The following TRPC6 variants were observed in gnomAD, a reference collection of about 807,000 sequenced individuals.
The protein encoded by TRPC6 is short transient receptor potential channel 6.
Under a neutral mutation model 90.7 loss-of-function variants are expected in TRPC6, and 55 were observed. The ratio of observed to expected loss-of-function variants is 0.61; its 90% CI spans 0.49 to 0.76. The LOEUF (loss-of-function observed/expected upper bound fraction) is 0.76, where lower values mean the gene tolerates loss of function less well. Among genes scored for constraint, TRPC6 ranks in the 30% least tolerant of loss-of-function variants. TRPC6 has a pLI of 0.00. For synonymous variants in TRPC6, 393 were observed against 393.0 expected, an observed-to-expected ratio of 1.00 and a Z score of 0.00; for missense variants, 989 against 1,122.7, an observed-to-expected ratio of 0.88 and a Z score of 1.70.
chr11:101,533,603 T>G (rs1401385504), intron 1 of TRPC6, among the ~76,000 whole-genome samples: 1 of 152,056 alleles, frequency 6.6e-6, no homozygotes, highest in Non-Finnish European at 1.5e-5. Flanking sequence ...CAAGTGAAAC[T>G]CAAGTGTCAG....
Position 101,491,749 on chromosome 11 carries a change from CAA to C in TRPC6, c.946-13_946-12del. 1 of 1,589,068 alleles carries C rather than the reference CAA, an allele frequency of 6.3e-7. No homozygotes were observed. The highest frequency in any genetic ancestry group is 8.6e-7 in the Non-Finnish European group (1 of 1,166,778). On this transcript the variant is annotated splice_polypyrimidine_tract_variant and intron_variant, in intron 2 of 12. Transcript: ENST00000344327. ...TTTTTTGTAGTCATTCTAGGAAAAA[CAA>C]AGCAAAACAAAAGCAATAATGGAGA...
chr11:101,474,861 G>GACTT (rs1237815120), intron 6 of TRPC6, among the ~76,000 whole-genome samples: 1 of 152,146 alleles, frequency 6.6e-6, no homozygotes, highest in Non-Finnish European at 1.5e-5. Flanking sequence ...AAGCTGGAAT[G>GACTT]ACTTATCTGA....
intron 1 of TRPC6, among the ~76,000 whole-genome samples, chr11:101,560,974 T>C (rs1861698897): frequency 6.6e-6 from 1 of 152,196 alleles, no homozygotes; most frequent in South Asian, 2.1e-4. Flanking sequence ...TTAATCCATA[T>C]AAAAGAGCAT....
chr11:101,571,210 T>C (rs1333044019), intron 1 of TRPC6, among the ~76,000 whole-genome samples: 1 of 152,102 alleles, frequency 6.6e-6, no homozygotes, highest in African/African-American at 2.4e-5. Context: ...ATCACAAGCA[T>C]TCCTATACAC....
At position 101,476,504 on chromosome 11, in the gene TRPC6, C is replaced by T. The variant is rs1859420873; in HGVS notation, c.1541G>A (p.Trp514Ter). The part of the protein sequence containing the change: ...GMIWAECKEI[W>*]TQGPKEYLFE... Reference sequence around the variant, plus strand: ...CAAATATTCCTTGGGGCCCTGAGTCCAGATTTCTTTACATTCAGCCCATAT... The same window carrying T: ...CAAATATTCCTTGGGGCCCTGAGTCTAGATTTCTTTACATTCAGCCCATAT... Residue 514 changes from tryptophan (W) to a stop codon, truncating the protein, a stop_gained, in exon 6 of 13, where the codon TGG becomes TAG. Transcript: ENST00000344327. LOFTEE classifies it high-confidence loss of function. 6.2e-7 allele frequency: 1 copy of T among 1,613,942 alleles called. No individual in the cohort carries two copies. The highest frequency in any genetic ancestry group is 1.3e-5 in the African/African-American group (1 of 74,900).
intron 1 of TRPC6, among the ~76,000 whole-genome samples, chr11:101,533,427 C>G (rs983861903): frequency 1.3e-5 from 2 of 152,140 alleles, no homozygotes; most frequent in Non-Finnish European, 2.9e-5. Flanking sequence ...CCAGATCTCA[C>G]TAGAATTCAC....
chr11:101,532,789 C>T (rs1008433047), intron 1 of TRPC6, among the ~76,000 whole-genome samples: 1 of 152,108 alleles, frequency 6.6e-6, no homozygotes, highest in East Asian at 1.9e-4. Flanking sequence ...AGCTGTTCCC[C>T]TCCCTGTCAC....
intron 2 of TRPC6, among the ~76,000 whole-genome samples, chr11:101,499,012 T>G (rs1385166705): frequency 6.6e-6 from 1 of 152,150 alleles, no homozygotes; most frequent in East Asian, 1.9e-4. Flanking sequence ...TGATTTCAGA[T>G]GGACAGTGCA....
intron 2 of TRPC6, among the ~76,000 whole-genome samples, chr11:101,500,218 T>C (rs1312508673): frequency 6.7e-6 from 1 of 148,724 alleles, no homozygotes; most frequent in Non-Finnish European, 1.5e-5. Context: ...TTCTTTCTTT[T>C]TTTTTTTTGA....
Position 101,583,436 on chromosome 11 carries a change from G to C in TRPC6, c.68C>G (p.Ala23Gly), listed in dbSNP as rs1217863476. Residue 23 changes from alanine (A) to glycine (G), a missense_variant, in exon 1 of 13, where the codon GCG (alanine) becomes GGG (glycine). Ala to Gly is a moderately conservative substitution (Grantham distance 60, BLOSUM62 0). Transcript: ENST00000344327. ...ATAGTCCTGGCTCTCGTTGCGCCGCGCAGCGGCTCCGGCAGCGCCCCGGGG... is the reference window on the plus strand; with the variant it reads ...ATAGTCCTGGCTCTCGTTGCGCCGCCCAGCGGCTCCGGCAGCGCCCCGGGG... ...SSPRGAAGAA[A>G]RRNESQDYLL... 2 of 1,551,170 alleles carry C rather than the reference G, an allele frequency of 1.3e-6. No individual in the cohort carries two copies. The highest frequency in any genetic ancestry group is 1.7e-6 in the Non-Finnish European group (2 of 1,147,686).
rs1337068635 is a variant in TRPC6 at position 101,488,538 on chromosome 11, TTCATCTTTTAGGATG to T, written c.1293+384_1293+398del. ...TGCCAGAGGAGAAACAGAAAAAGTG[TTCATCTTTTAGGATG>T]TCATTTGAAATATATGCTCAATGGT... On this transcript the variant is annotated intron_variant, in intron 4 of 12. Transcript: ENST00000344327. 3.9e-5 allele frequency among the ~76,000 whole-genome samples: 6 copies of T among 152,338 alleles called. No homozygotes were observed. The East Asian group carries it at 5.8e-4, about 15-fold the overall frequency.
intron 1 of TRPC6, among the ~76,000 whole-genome samples, chr11:101,560,164 G>A (rs1861682369): frequency 2.0e-5 from 3 of 152,082 alleles, no homozygotes; most frequent in Admixed American, 2.0e-4. Context: ...CATGGAAACT[G>A]ACCTATTATT....
chr11:101,474,757 A>T (rs1859374255), intron 6 of TRPC6, among the ~76,000 whole-genome samples: 1 of 152,164 alleles, frequency 6.6e-6, no homozygotes, highest in Non-Finnish European at 1.5e-5. Context: ...ATTCAAAGGG[A>T]ATATATTTTC....
At chr11:101,485,074 C>T (rs748840491) in intron 4 of TRPC6, among the ~76,000 whole-genome samples, 10 of 150,524 alleles carry the variant, frequency 6.6e-5, no homozygotes, top group South Asian at 2.1e-4. Context: ...TTTCAATCTG[C>T]GGTTTGTTAA....
rs372128140 is a variant in TRPC6, at chr11:101,470,772, T to C, written c.2409+411A>G. On this transcript the variant is annotated intron_variant, in intron 9 of 12. Coordinates refer to ENST00000344327, the MANE Select transcript of TRPC6 (RefSeq NM_004621.6). ...AGCAACTGATTTCTGAACTTTTCAA[T>C]GTAGAAGCTATCTAAGAGTTAATCA... Among the ~76,000 whole-genome samples, 9 of 150,618 alleles carry C rather than the reference T, an allele frequency of 6.0e-5. No individual in the cohort carries two copies. The East Asian group carries it at 9.9e-4, about 16-fold the overall frequency.
chr11:101,467,708 C>A (rs1034963307), intron 10 of TRPC6, among the ~76,000 whole-genome samples: 1 of 152,148 alleles, frequency 6.6e-6, no homozygotes, highest in Admixed American at 6.5e-5. Flanking sequence ...TATTTTAGGA[C>A]TTGTGGGCCA....
chr11:101,521,475 C>A (rs143163888), intron 1 of TRPC6, among the ~76,000 whole-genome samples: 1 of 152,246 alleles, frequency 6.6e-6, no homozygotes, highest in Non-Finnish European at 1.5e-5. Flanking sequence ...AAGTCTACTG[C>A]AGGGGCTGCG....
Position 101,504,082 on chromosome 11 carries a change from G to T in TRPC6, c.887C>A (p.Thr296Lys). The change falls in exon 2 of 13, where the codon ACG becomes AAG. Residue 296 changes from threonine to lysine, a missense_variant. Around this residue, in one of 4 missense-constraint regions of TRPC6, gnomAD observed 486 missense variants for 591.9 expected, o/e 0.82. Coordinates refer to ENST00000344327, the MANE Select transcript of TRPC6 (RefSeq NM_004621.6). ...CAGTTCATTGCTAAGTTCTAAAGCCGTCATGACTGGATCTTCACTAGACAA... is the reference window on the plus strand; with the variant it reads ...CAGTTCATTGCTAAGTTCTAAAGCCTTCATGACTGGATCTTCACTAGACAA... The part of the protein sequence containing the change: ...LSLSSEDPVM[T>K]ALELSNELAV... 6.2e-7 allele frequency: 1 copy of T among 1,614,050 alleles called. No individual in the cohort carries two copies. Among genetic ancestry groups the T allele is most frequent in the Non-Finnish European group, 8.5e-7 (1 of 1,179,954 alleles).
intron 1 of TRPC6, among the ~76,000 whole-genome samples, chr11:101,522,052 C>T (rs189469582): frequency 1.3e-5 from 2 of 152,130 alleles, no homozygotes; most frequent in East Asian, 1.9e-4. Flanking sequence ...TTAGTTAAGA[C>T]TTGGGGGACT....
Sources: allele counts gnomAD v4.1 joint callset (sites outside exome capture counted in the v4.1 genomes callset), GRCh38; gene constraint gnomAD v4.1.1; regional missense constraint gnomAD v4.1.1; transcripts MANE v1.5; gene names NCBI Gene and HGNC (gene_info 2026-07-23, HGNC 2026-07-21).